INPP5A: variants seen among roughly 807,000 people sequenced by gnomAD.
INPP5A encodes the protein inositol polyphosphate-5-phosphatase A, also known as 43 kDa inositol polyphosphate 5-phophatase.
Under a neutral mutation model 65.2 loss-of-function variants are expected in INPP5A, and 14 were observed. The observed-to-expected ratio is 0.21, with a 90% CI of 0.14 to 0.34. The LOEUF (loss-of-function observed/expected upper bound fraction) is 0.34, where lower values mean the gene tolerates loss of function less well. INPP5A is among the 10% of genes least tolerant of loss of function. The probability of loss-of-function intolerance (pLI) is 1.00; values close to 1 mark genes in which losing one functional copy is unlikely to be tolerated. For synonymous variants in INPP5A, 207 were observed against 208.3 expected, an observed-to-expected ratio of 0.99 and a Z score of 0.05; for missense variants, 431 against 545.6, an observed-to-expected ratio of 0.79 and a Z score of 2.09.
intron 3 of INPP5A, among the ~76,000 whole-genome samples, chr10:132,647,292 G>C (rs1398266551): frequency 1.3e-5 from 2 of 151,674 alleles, no homozygotes; most frequent in Non-Finnish European, 2.9e-5. Context: ...ATTTTTTTGT[G>C]TTTTTTTAGT....
intron 4 of INPP5A, among the ~76,000 whole-genome samples, chr10:132,688,630 C>T (rs7918121): frequency 0.012 from 1,866 of 150,954 alleles, 32 homozygotes; most frequent in African/African-American, 0.042. Context: ...TGAGCAAGTG[C>T]GTGCGTGTGC....
At position 132,727,517 on chromosome 10, in the gene INPP5A, C is replaced by G. The variant is rs564470242; in HGVS notation, c.732+612C>G. Among the ~76,000 whole-genome samples the G allele has an allele frequency of 6.6e-6, 1 of 151,816 alleles. No individual in the cohort carries two copies. ...GAGGTGCCACCGACAGGAAGTGGGC[C>G]TCTAGGCTCAGTGCAAGGGCCGATG... On this transcript the variant is annotated intron_variant, in intron 9 of 15. Coordinates refer to ENST00000368594, the MANE Select transcript of INPP5A (RefSeq NM_005539.5). The surrounding 1 kb of genome is among the most constrained non-coding windows in gnomAD (Gnocchi z 6.5).
intron 9 of INPP5A, among the ~76,000 whole-genome samples, chr10:132,728,810 G>A (rs1003168531): frequency 3.3e-5 from 5 of 152,236 alleles, no homozygotes; most frequent in African/African-American, 9.6e-5. Flanking sequence ...GGTGAGGCAC[G>A]CACTGGAGCA....
At chr10:132,703,608 C>T (rs145209006) in intron 6 of INPP5A, among the ~76,000 whole-genome samples, 10 of 144,424 alleles carry the variant, frequency 6.9e-5, no homozygotes, top group South Asian at 4.6e-4. Flanking sequence ...CACACACACA[C>T]GCACAGCTTC....
chr10:132,691,358 G>T (rs1211884005), intron 5 of INPP5A, among the ~76,000 whole-genome samples: 1 of 152,188 alleles, frequency 6.6e-6, no homozygotes, highest in African/African-American at 2.4e-5. Flanking sequence ...GCACAGAATT[G>T]CAGGAGCCGG....
intron 4 of INPP5A, among the ~76,000 whole-genome samples, chr10:132,660,766 G>T (rs1051910393): frequency 2.0e-5 from 3 of 152,212 alleles, no homozygotes; most frequent in African/African-American, 7.2e-5. Flanking sequence ...GAGAGGTGAG[G>T]CAGTCAGAAC....
intron 1 of INPP5A, among the ~76,000 whole-genome samples, chr10:132,592,311 A>G (rs562270157): frequency 6.6e-6 from 1 of 152,264 alleles, no homozygotes; most frequent in Non-Finnish European, 1.5e-5. Flanking sequence ...TTAACAATCC[A>G]TTGTAAGATA....
chr10:132,540,114 C>T (rs780128049), intron 1 of INPP5A, among the ~76,000 whole-genome samples: 12 of 152,272 alleles, frequency 7.9e-5, no homozygotes, highest in Admixed American at 7.2e-4. Flanking sequence ...GATTCAGATC[C>T]GTTAGCTGCG....
rs1039315362 is a variant in INPP5A, at chr10:132,705,187, T to C, written c.475-3126T>C. ...TCAGCTTCCCACTGATGTGTTTCCA[T>C]TGCAGACACAGTTACCGACAGGAAA... On this transcript the variant is annotated intron_variant, in intron 6 of 15. Transcript: ENST00000368594. The surrounding 1 kb of genome is among the most constrained non-coding windows in gnomAD (Gnocchi z 4.9). Among the ~76,000 whole-genome samples, 1 of 152,182 alleles carries C rather than the reference T, an allele frequency of 6.6e-6. No individual in the cohort carries two copies. Among genetic ancestry groups the C allele is most frequent in the South Asian group, 2.1e-4 (1 of 4,832 alleles).
At chr10:132,658,439 A>G (rs1173456707) in intron 4 of INPP5A, among the ~76,000 whole-genome samples, 2 of 152,144 alleles carry the variant, frequency 1.3e-5, no homozygotes, top group Admixed American at 1.3e-4. Flanking sequence ...TTGTACATTT[A>G]GGCTTGACTC....
At chr10:132,647,494 T>C (rs1459778975) in intron 3 of INPP5A, among the ~76,000 whole-genome samples, 1 of 152,208 alleles carries the variant, frequency 6.6e-6, no homozygotes, top group East Asian at 1.9e-4. Flanking sequence ...AATTGCCATA[T>C]AAGAGCAAAG....
rs1474739788 is a variant in INPP5A, at chr10:132,659,925, A to G, written c.306+9420A>G. Among the ~76,000 whole-genome samples the G allele has an allele frequency of 6.6e-6, 1 of 152,254 alleles. No homozygotes were observed. Among genetic ancestry groups the G allele is most frequent in the Non-Finnish European group, 1.5e-5 (1 of 68,052 alleles). ...CAGCCTGCAGCTCCTGACACATGAC[A>G]TGTGACATACAACACATGACACGCG... On this transcript the variant is annotated intron_variant, in intron 4 of 15. Transcript: ENST00000368594. This position sits in a 1 kb window ranked among gnomAD's most constrained non-coding sequence, Gnocchi z 5.5.
Position 132,720,281 on chromosome 10 carries a change from T to C in INPP5A, c.648-6540T>C, listed in dbSNP as rs1346919360. Among the ~76,000 whole-genome samples, 130 of 115,928 alleles carry C rather than the reference T, an allele frequency of 1.1e-3. 1 individual carries two copies. The highest frequency in any genetic ancestry group is 3.0e-3 in the African/African-American group (90 of 30,292). The allele number at this position is 115,928 out of a possible 152,430, so 76.1% of individuals were successfully genotyped here. ...CTGTGGTGCCTGGGTTCTGTCTGGG[T>C]GCCTTAGACGGCTGTCTTGCGGGTT... On this transcript the variant is annotated intron_variant, in intron 8 of 15. Coordinates refer to ENST00000368594, the MANE Select transcript of INPP5A (RefSeq NM_005539.5).
At position 132,756,413 on chromosome 10, in the gene INPP5A, T is replaced by C. The variant is rs11815059; in HGVS notation, c.903+6568T>C. ...GCGTGTACTTGTATGCACTTGTGTG[T>C]GTGCGTGTGTGTATACAGTCACGTC... On this transcript the variant is annotated intron_variant, in intron 11 of 15. Transcript: ENST00000368594. Among the ~76,000 whole-genome samples, 939 of 152,334 alleles carry C rather than the reference T, an allele frequency of 6.2e-3. 13 individuals are homozygous for C. The highest frequency in any genetic ancestry group is 0.021 in the African/African-American group (890 of 41,574).
chr10:132,623,293 C>T (rs2133362923), intron 2 of INPP5A, among the ~76,000 whole-genome samples: 1 of 151,936 alleles, frequency 6.6e-6, no homozygotes, highest in Admixed American at 6.5e-5. Context: ...TGTAAAAGCA[C>T]AGAAATACAG....
chr10:132,683,373 C>T (rs941761431), intron 4 of INPP5A, among the ~76,000 whole-genome samples: 1 of 152,002 alleles, frequency 6.6e-6, no homozygotes, highest in Non-Finnish European at 1.5e-5. Context: ...TATGCACACA[C>T]GTTTAATCTG....
At chr10:132,559,990 GT>G (rs1564916030) in intron 1 of INPP5A, among the ~76,000 whole-genome samples, 1 of 152,208 alleles carries the variant, frequency 6.6e-6, no homozygotes, top group Non-Finnish European at 1.5e-5. Flanking sequence ...GTGTGAACAT[GT>G]GTCTCCAGCT....
chr10:132,725,482 G>A (rs573473005), intron 8 of INPP5A, among the ~76,000 whole-genome samples: 4 of 152,322 alleles, frequency 2.6e-5, no homozygotes, highest in Non-Finnish European at 5.9e-5. Context: ...ACTGGGAAGC[G>A]GGAGACCATC....
At chr10:132,590,711 G>A (rs1371570027) in intron 1 of INPP5A, among the ~76,000 whole-genome samples, 2 of 152,166 alleles carry the variant, frequency 1.3e-5, no homozygotes, top group African/African-American at 2.4e-5. Context: ...CAGGGGCCAC[G>A]TGCCGTCTTT....
Sources: allele counts gnomAD v4.1 joint callset (sites outside exome capture counted in the v4.1 genomes callset), GRCh38; gene constraint gnomAD v4.1.1; non-coding constraint Gnocchi (gnomAD v3.1); transcripts MANE v1.5; gene names NCBI Gene and HGNC (gene_info 2026-07-23, HGNC 2026-07-21).